RPRD1B: variants seen among roughly 807,000 people sequenced by gnomAD.
RPRD1B encodes the protein regulation of nuclear pre-mRNA domain-containing protein 1B.
RPRD1B carries 11 observed loss-of-function variants against 41.5 expected under a neutral mutation model. That is an observed-to-expected ratio of 0.27 (90% CI 0.17 to 0.44). The LOEUF (loss-of-function observed/expected upper bound fraction) is 0.44, where lower values mean the gene tolerates loss of function less well. Ranked by LOEUF, RPRD1B falls within the 20% of genes least tolerant of loss-of-function variation. The pLI, the probability that RPRD1B is intolerant of heterozygous loss-of-function variation, is 1.00. For missense variants in RPRD1B, 248 were observed against 389.9 expected (o/e 0.64, Z 3.06); for synonymous variants, 158 against 155.6 (o/e 1.02, Z -0.12).
At chr20:38,087,882 C>T (rs754367742) in intron 6 of RPRD1B, among the ~76,000 whole-genome samples, 5 of 152,160 alleles carry the variant, frequency 3.3e-5, no homozygotes, top group Non-Finnish European at 7.3e-5. Context: ...ATTCATTCGG[C>T]ACATGTGCTG....
intron 6 of RPRD1B, among the ~76,000 whole-genome samples, chr20:38,077,795 C>T (rs1361871655): frequency 6.6e-6 from 1 of 152,162 alleles, no homozygotes; most frequent in East Asian, 1.9e-4. Context: ...CATGGCAGCC[C>T]TATGATGTGT....
intron 6 of RPRD1B, among the ~76,000 whole-genome samples, chr20:38,081,650 C>T (rs781602603): frequency 1.3e-5 from 2 of 152,144 alleles, no homozygotes; most frequent in African/African-American, 2.4e-5. Flanking sequence ...GGAAATGCTT[C>T]CAGCTTTTGC....
chr20:38,038,490 G>GTTTTTTTTTTTTTT (rs150397040), intron 1 of RPRD1B, among the ~76,000 whole-genome samples: 46 of 76,784 alleles, frequency 6.0e-4, no homozygotes, highest in Admixed American at 1.2e-3. Flanking sequence ...TTTTTGTTTT[G>GTTTTTTTTTTTTTT]TTTTTTTTTT....
chr20:38,066,114 T>A lies in RPRD1B; in HGVS notation c.689T>A (p.Val230Glu), dbSNP rs1215535259. ...KEAAERLSKT[V>E]DEACLLLAEY... is the part of the protein sequence containing the mutation. ...GCAGCTGAACGTCTTTCAAAAACAG[T>A]AGATGAAGCATGTCTGTTACTAGCA... Residue 230 changes from valine (V) to glutamate (E), a missense_variant, in exon 6 of 7, where the codon GTA becomes GAA. Coordinates refer to ENST00000373433, the MANE Select transcript of RPRD1B (RefSeq NM_021215.4). 6.2e-7 allele frequency: 1 copy of A among 1,614,172 alleles called. No homozygotes were observed. The highest frequency in any genetic ancestry group is 1.7e-5 in the Admixed American group (1 of 60,016).
intron 2 of RPRD1B, among the ~76,000 whole-genome samples, chr20:38,047,545 G>T (rs2074133520): frequency 6.6e-6 from 1 of 151,984 alleles, no homozygotes; most frequent in South Asian, 2.1e-4. Flanking sequence ...AAGATTTCAT[G>T]GTAACAGTGC....
At chr20:38,071,806 G>C (rs977039760) in intron 6 of RPRD1B, among the ~76,000 whole-genome samples, 2 of 152,162 alleles carry the variant, frequency 1.3e-5, no homozygotes, top group Non-Finnish European at 2.9e-5. Context: ...CTTTCAGTAT[G>C]CTTGTCGGCT....
intron 5 of RPRD1B, among the ~76,000 whole-genome samples, chr20:38,062,458 T>A (rs772197873): frequency 2.0e-5 from 3 of 152,200 alleles, no homozygotes; most frequent in Non-Finnish European, 2.9e-5. Flanking sequence ...TTGGATATCT[T>A]GATAGGCATT....
intron 3 of RPRD1B, among the ~76,000 whole-genome samples, chr20:38,056,681 T>C (rs2074245170): frequency 6.6e-6 from 1 of 152,216 alleles, no homozygotes; most frequent in Non-Finnish European, 1.5e-5. Context: ...TCCCTGGCCT[T>C]TGTTTTCTCA....
At chr20:38,078,365 C>T (rs6512930) in intron 6 of RPRD1B, among the ~76,000 whole-genome samples, 6,605 of 152,228 alleles carry the variant, frequency 0.043, 458 homozygotes, top group African/African-American at 0.15. Context: ...CCCTTGTTTA[C>T]TTTCCATCAG....
chr20:38,088,039 G>A lies in RPRD1B; in HGVS notation c.832-1687G>A, dbSNP rs372497493. Among the ~76,000 whole-genome samples the A allele has an allele frequency of 4.6e-5, 7 of 152,242 alleles. No homozygotes were observed. The East Asian group carries it at 1.4e-3, about 29-fold the overall frequency. On this transcript the variant is annotated intron_variant, in intron 6 of 6. Transcript: ENST00000373433. ...AAGTCATTGTTTAATTTTAGTTGTG[G>A]TAAGTTTACAAAGAAAAGAAATGGG...
intron 1 of RPRD1B, among the ~76,000 whole-genome samples, chr20:38,039,280 T>C (rs944952578): frequency 6.6e-6 from 1 of 152,220 alleles, no homozygotes; most frequent in Non-Finnish European, 1.5e-5. Flanking sequence ...AATAAGAGTG[T>C]AGTGTTAATG....
intron 6 of RPRD1B, among the ~76,000 whole-genome samples, chr20:38,073,077 T>G (rs2074427251): frequency 6.6e-6 from 1 of 152,236 alleles, no homozygotes; most frequent in African/African-American, 2.4e-5. Context: ...ATTTGTACTT[T>G]TGTTTTGATT....
chr20:38,054,420 G>A (rs1292007487), intron 3 of RPRD1B, among the ~76,000 whole-genome samples: 1 of 152,186 alleles, frequency 6.6e-6, no homozygotes, highest in Non-Finnish European at 1.5e-5. Flanking sequence ...GTCCTAAAAT[G>A]ATTTCTTATT....
chr20:38,040,277 A>G (rs1257516065), intron 1 of RPRD1B, among the ~76,000 whole-genome samples, 158 bp from the exon 2 acceptor site: 2 of 151,946 alleles, frequency 1.3e-5, no homozygotes, highest in East Asian at 3.9e-4. Context: ...GGTATTCCCA[A>G]ACCTATTCCT....
Position 38,053,697 on chromosome 20 carries a change from A to G in RPRD1B, c.416-3835A>G, listed in dbSNP as rs1273730513. Reference sequence around the variant, plus strand: ...TTTAGGAAGATTAATTTAATAACAGAATACAGTCTTCCATATTTACAGGTT... The same window carrying G: ...TTTAGGAAGATTAATTTAATAACAGGATACAGTCTTCCATATTTACAGGTT... On this transcript the variant is annotated intron_variant, in intron 3 of 6. Transcript: ENST00000373433. Among the ~76,000 whole-genome samples, 3 of 152,192 alleles carry G rather than the reference A, an allele frequency of 2.0e-5. No individual in the cohort carries two copies. In the East Asian group the frequency reaches 5.8e-4, roughly 29 times the overall value.
rs2074352362 is a variant in RPRD1B, at chr20:38,066,130, G to T, written c.705G>T (p.Leu235=). 3 of 1,614,212 alleles carry T rather than the reference G, an allele frequency of 1.9e-6. No individual in the cohort carries two copies. The highest frequency in any genetic ancestry group is 2.7e-5 in the African/African-American group (2 of 75,056). ...CAAAAACAGTAGATGAAGCATGTCTGTTACTAGCAGAATATAACGGGCGCC... is the reference window on the plus strand; with the variant it reads ...CAAAAACAGTAGATGAAGCATGTCTTTTACTAGCAGAATATAACGGGCGCC... ...RLSKTVDEAC[L]LLAEYNGRLA... The change falls in exon 6 of 7, where the codon CTG becomes CTT. Residue 235 remains leucine (L), a synonymous_variant. Transcript: ENST00000373433.
chr20:38,081,606 G>C (rs2074513418), intron 6 of RPRD1B, among the ~76,000 whole-genome samples: 1 of 152,190 alleles, frequency 6.6e-6, no homozygotes, highest in African/African-American at 2.4e-5. Flanking sequence ...GGGGTGGCAA[G>C]AGTGGGCATC....
At chr20:38,079,964 A>G (rs2074498781) in intron 6 of RPRD1B, among the ~76,000 whole-genome samples, 1 of 152,074 alleles carries the variant, frequency 6.6e-6, no homozygotes. Flanking sequence ...GCATTTCTCT[A>G]ATGATTAGTG....
At chr20:38,079,290 G>A (rs2074492521) in intron 6 of RPRD1B, among the ~76,000 whole-genome samples, 1 of 151,720 alleles carries the variant, frequency 6.6e-6, no homozygotes, top group Non-Finnish European at 1.5e-5. Flanking sequence ...TTTATTCAGG[G>A]GGTTCAGGTT....
Sources: gnomAD v4.1 joint callset for allele counts (sites outside exome capture counted in the v4.1 genomes callset) on GRCh38, gnomAD v4.1.1 for gene constraint, MANE v1.5 for transcripts, NCBI Gene and HGNC (gene_info 2026-07-23, HGNC 2026-07-21) for gene names.